The following TRIT1 variants were observed in gnomAD, a reference collection of about 807,000 sequenced individuals.
TRIT1 encodes tRNA dimethylallyltransferase.
TRIT1 carries 43 observed loss-of-function variants against 51.2 expected under a neutral mutation model. The ratio of observed to expected loss-of-function variants is 0.84; its 90% confidence interval spans 0.66 to 1.08. The LOEUF is 1.08. Ranked by LOEUF, TRIT1 falls within the 50% of genes least tolerant of loss-of-function variation. The pLI is 0.00. For missense variants in TRIT1, 528 were observed against 578.4 expected (o/e 0.91, Z 0.89); for synonymous variants, 184 against 203.9 (o/e 0.90, Z 0.83).
Position 39,840,425 on chromosome 1 carries a change from C to T in TRIT1, c.*1319G>A, listed in dbSNP as rs144862128. Among the ~76,000 whole-genome samples, 2 of 152,266 alleles carry T rather than the reference C, an allele frequency of 1.3e-5. No individual in the cohort carries two copies. The highest frequency in any genetic ancestry group is 1.9e-4 in the East Asian group (1 of 5,174). ...TGCTTTTCAAGGTGCAGCAGAAATG[C>T]TCCTCCTTCCATGATCCCTTCCCTT... is the stretch of plus-strand genomic sequence containing the variant. On this transcript the variant is annotated 3_prime_UTR_variant, in exon 11 of 11. Coordinates refer to ENST00000316891, the MANE Select transcript of TRIT1 (RefSeq NM_017646.6).
At chr1:39,843,812 C>T (rs768764452) in intron 10 of TRIT1, among the ~76,000 whole-genome samples, 3 of 152,164 alleles carry the variant, frequency 2.0e-5, no homozygotes, top group Non-Finnish European at 4.4e-5. Flanking sequence ...CTCCTCCAAG[C>T]CAGGACCACA....
At chr1:39,848,145 A>G in intron 5 of TRIT1, 48 bp from the exon 6 acceptor site, 1 of 1,398,182 alleles carries the variant, frequency 7.2e-7, no homozygotes, top group South Asian at 1.2e-5. Flanking sequence ...GTAGGTACCT[A>G]CTATATACTT....
chr1:39,868,603 C>G (rs1404650402), intron 1 of TRIT1, among the ~76,000 whole-genome samples: 1 of 144,410 alleles, frequency 6.9e-6, no homozygotes, highest in African/African-American at 2.6e-5. Context: ...AAGATCGCGC[C>G]ATTGCACTCC....
chr1:39,847,348 G>GC, intron 7 of TRIT1, 51 bp from the exon 8 acceptor site: 1 of 1,564,812 alleles, frequency 6.4e-7, no homozygotes, highest in Non-Finnish European at 8.8e-7. Context: ...TCCTTACCCT[G>GC]CAGAGAGGCA....
At chr1:39,847,043 T>G (rs1336148837) in intron 8 of TRIT1, 177 bp downstream of exon 8, 11 of 571,076 alleles carry the variant, frequency 1.9e-5, no homozygotes, top group Admixed American at 9.8e-5. Context: ...TTTTTTTTTT[T>G]TGTGACATCC....
chr1:39,864,774 G>T (rs1437116241), intron 1 of TRIT1, among the ~76,000 whole-genome samples: 1 of 151,992 alleles, frequency 6.6e-6, no homozygotes, highest in East Asian at 1.9e-4. Context: ...CTGTAGGGTG[G>T]CCCTGAGTGT....
At chr1:39,848,175 G>T in intron 5 of TRIT1, 78 bp from the exon 6 acceptor site, 1 of 1,033,556 alleles carries the variant, frequency 9.7e-7, no homozygotes, top group Non-Finnish European at 1.5e-6. Context: ...GTGAACAGGT[G>T]GTCACAAAAA....
intron 5 of TRIT1, among the ~76,000 whole-genome samples, 200 bp downstream of exon 5, chr1:39,849,919 T>C (rs1042835611): frequency 2.0e-5 from 3 of 152,188 alleles, no homozygotes; most frequent in African/African-American, 7.2e-5. Context: ...AGGGCTATCC[T>C]TTCTCCCTTT....
chr1:39,879,030 G>A (rs1029106661), intron 1 of TRIT1, among the ~76,000 whole-genome samples: 2 of 152,182 alleles, frequency 1.3e-5, no homozygotes, highest in Non-Finnish European at 2.9e-5. Flanking sequence ...AGCATTTTGG[G>A]AGGCCGAGGC....
intron 1 of TRIT1, among the ~76,000 whole-genome samples, chr1:39,876,556 CTATA>C (rs60513884): frequency 0.15 from 21,724 of 141,350 alleles, 2,026 homozygotes; most frequent in Non-Finnish European, 0.22. Flanking sequence ...ATCTATCTAT[CTATA>C]TATATATATG....
chr1:39,843,532 A>G (rs1163487041), intron 10 of TRIT1, among the ~76,000 whole-genome samples: 1 of 152,122 alleles, frequency 6.6e-6, no homozygotes, highest in African/African-American at 2.4e-5. Context: ...CCTTCTTTAT[A>G]CATGTGTGAC....
intron 1 of TRIT1, among the ~76,000 whole-genome samples, chr1:39,871,861 A>G (rs77122086): frequency 0.018 from 2,745 of 152,246 alleles, 62 homozygotes; most frequent in East Asian, 0.11. Flanking sequence ...CCATAGAACT[A>G]AACATCATAA....
intron 8 of TRIT1, 93 bp downstream of exon 8, chr1:39,847,127 C>G: frequency 9.9e-7 from 1 of 1,013,282 alleles, no homozygotes; most frequent in Non-Finnish European, 1.5e-6. Flanking sequence ...TTAGAACAGG[C>G]CCAGAATCTA....
At chr1:39,851,630 G>A (rs561549399) in intron 4 of TRIT1, among the ~76,000 whole-genome samples, 8 of 152,166 alleles carry the variant, frequency 5.3e-5, no homozygotes, top group Non-Finnish European at 1.2e-4. Flanking sequence ...GCCGTGCAAA[G>A]GACAACCCTA....
intron 1 of TRIT1, among the ~76,000 whole-genome samples, chr1:39,866,448 G>C (rs1276670525): frequency 6.6e-6 from 1 of 152,184 alleles, no homozygotes; most frequent in Non-Finnish European, 1.5e-5. Flanking sequence ...CTGGGAAGTT[G>C]ATTTTCCTTT....
chr1:39,881,376 T>C (rs572113011), intron 1 of TRIT1, among the ~76,000 whole-genome samples: 20 of 152,298 alleles, frequency 1.3e-4, no homozygotes, highest in Admixed American at 3.3e-4. Context: ...TATACCATTC[T>C]TGGATATTTT....
intron 1 of TRIT1, among the ~76,000 whole-genome samples, chr1:39,874,175 C>A (rs1643971124): frequency 6.6e-6 from 1 of 152,124 alleles, no homozygotes; most frequent in African/African-American, 2.4e-5. Flanking sequence ...ATCAATCAAT[C>A]AATAAAAAAT....
At chr1:39,859,479 G>C (rs914961473) in intron 1 of TRIT1, among the ~76,000 whole-genome samples, 4 of 151,068 alleles carry the variant, frequency 2.6e-5, no homozygotes, top group Non-Finnish European at 5.9e-5. Flanking sequence ...CGCTACTGGG[G>C]AGGCTGAGGT....
chr1:39,871,640 C>T (rs920536199), intron 1 of TRIT1, among the ~76,000 whole-genome samples: 5 of 152,148 alleles, frequency 3.3e-5, no homozygotes, highest in Admixed American at 3.3e-4. Context: ...AAAAGCCAAA[C>T]CTCAAAGGCT....
Sources: gnomAD v4.1 joint callset for allele counts (sites outside exome capture counted in the v4.1 genomes callset) on GRCh38, gnomAD v4.1.1 for gene constraint, MANE v1.5 for transcripts, NCBI Gene and HGNC (gene_info 2026-07-23, HGNC 2026-07-21) for gene names.